The following TPRG1 variants were observed in gnomAD, a reference collection of about 807,000 sequenced individuals.
The protein encoded by TPRG1 is tumor protein p63 regulated 1.
Under a neutral mutation model 29.3 loss-of-function variants are expected in TPRG1, and 29 were observed. The ratio of observed to expected loss-of-function variants is 0.99; its 90% CI spans 0.74 to 1.35. The LOEUF is 1.35. Ranked by LOEUF, TPRG1 falls within the 40% of genes most tolerant of loss-of-function variation. The pLI, the probability that TPRG1 is intolerant of heterozygous loss-of-function variation, is 0.00. For synonymous variants in TPRG1, 130 were observed against 116.8 expected (o/e 1.11, Z -0.73); for missense variants, 327 against 335.0 (o/e 0.98, Z 0.19).
chr3:189,107,689 C>T (rs903277915), intron 1 of TPRG1, among the ~76,000 whole-genome samples: 2 of 152,050 alleles, frequency 1.3e-5, no homozygotes, highest in African/African-American at 2.4e-5. Flanking sequence ...TTAGCACTAA[C>T]CTGCTTTAAA....
Position 189,222,426 on chromosome 3 carries a change from G to A in TPRG1, c.302+7043G>A, listed in dbSNP as rs74500339. 7.1e-3 allele frequency among the ~76,000 whole-genome samples: 1,080 copies of A among 152,176 alleles called. 14 individuals carry two copies. Among genetic ancestry groups the A allele is most frequent in the African/African-American group, 0.025 (1,020 of 41,514 alleles). ...AAAGTACTATGGAAACTACCATTTC[G>A]AAACTGCATTTTCTACTCAACCCCA... On this transcript the variant is annotated intron_variant, in intron 3 of 5. Transcript: ENST00000345063.
intron 4 of TPRG1, among the ~76,000 whole-genome samples, chr3:189,092,055 A>G (rs1379878307): frequency 2.0e-5 from 3 of 152,200 alleles, no homozygotes; most frequent in African/African-American, 4.8e-5. Context: ...TTTTGCCAGC[A>G]GGAGCTCAGA....
upstream of TPRG1, among the ~76,000 whole-genome samples, chr3:189,099,268 C>A (rs1485328977): frequency 6.6e-6 from 1 of 152,108 alleles, no homozygotes; most frequent in South Asian, 2.1e-4. Context: ...GTTGTTGATG[C>A]CAGATGAAAT....
intron 1 of TPRG1, among the ~76,000 whole-genome samples, chr3:189,110,294 T>G (rs1203915894): frequency 2.6e-5 from 4 of 152,218 alleles, no homozygotes; most frequent in Non-Finnish European, 5.9e-5. Context: ...TTATGTTAAG[T>G]GCATAACAGT....
chr3:189,026,848 G>C (rs1364017478), intron 4 of TPRG1, among the ~76,000 whole-genome samples: 2 of 152,128 alleles, frequency 1.3e-5, no homozygotes. Context: ...TAAGATGGAG[G>C]CAAGGAGCCC....
At chr3:189,235,217 C>CTTTTTT (rs34934049) in intron 3 of TPRG1, among the ~76,000 whole-genome samples, 2 of 129,672 alleles carry the variant, frequency 1.5e-5, no homozygotes, top group African/African-American at 5.8e-5. Flanking sequence ...ATGAGGTTTG[C>CTTTTTT]TTTTTTTTTT....
chr3:189,072,484 A>T (rs559770052), intron 4 of TPRG1, among the ~76,000 whole-genome samples: 1 of 152,256 alleles, frequency 6.6e-6, no homozygotes, highest in Admixed American at 6.5e-5. Context: ...TAAAATGGAA[A>T]TTATCCCTTT....
At position 189,262,973 on chromosome 3, in the gene TPRG1, G is replaced by C. The variant is rs554448045; in HGVS notation, c.479+24064G>C. 2.8e-4 allele frequency among the ~76,000 whole-genome samples: 42 copies of C among 152,384 alleles called. 2 individuals carry two copies. In the South Asian group the frequency reaches 8.7e-3, roughly 32 times the overall value. ...GACTTCCCTCAGAGATGGCAAGAGA[G>C]AGAGCAAGAGAGAGAATGAGACGTT... On this transcript the variant is annotated intron_variant, in intron 4 of 5. Transcript: ENST00000345063.
At chr3:189,120,323 A>T (rs1440157577) in intron 1 of TPRG1, 1 of 152,176 alleles carries the variant, frequency 6.6e-6, no homozygotes, top group Non-Finnish European at 1.5e-5. Flanking sequence ...AAGGCAAGAA[A>T]ATTGCTTTTA....
At chr3:189,087,014 A>G (rs988892715) in intron 4 of TPRG1, among the ~76,000 whole-genome samples, 7 of 152,206 alleles carry the variant, frequency 4.6e-5, no homozygotes, top group Admixed American at 3.9e-4. Context: ...TCCTTTGGGT[A>G]TATACCCAGT....
intron 1 of TPRG1, among the ~76,000 whole-genome samples, chr3:188,997,276 A>G (rs1411642888): frequency 6.6e-6 from 1 of 152,010 alleles, no homozygotes; most frequent in Non-Finnish European, 1.5e-5. Context: ...AAGATTTGAC[A>G]TAGGTAGAAT....
chr3:189,152,618 A>ATTATTAAAAAGTAGGATTG (rs1164063261), intron 5 of TPRG1, among the ~76,000 whole-genome samples: 3 of 151,062 alleles, frequency 2.0e-5, no homozygotes, highest in African/African-American at 7.3e-5. Context: ...ACCCGCCATT[A>ATTATTAAAAAGTAGGATTG]CTATTAAAAA....
At chr3:189,044,201 CAAGCT>C (rs1714813455) in intron 4 of TPRG1, among the ~76,000 whole-genome samples, 1 of 152,042 alleles carries the variant, frequency 6.6e-6, no homozygotes, top group Non-Finnish European at 1.5e-5. Flanking sequence ...CGGAAAGAGA[CAAGCT>C]AAGTATCACA....
At chr3:189,244,329 G>A (rs895985300) in intron 4 of TPRG1, among the ~76,000 whole-genome samples, 3 of 152,076 alleles carry the variant, frequency 2.0e-5, no homozygotes, top group Non-Finnish European at 2.9e-5. Flanking sequence ...TGAGACAGGA[G>A]AATTGCTTGA....
chr3:189,060,952 A>T (rs1329160685), intron 4 of TPRG1, among the ~76,000 whole-genome samples: 1 of 152,090 alleles, frequency 6.6e-6, no homozygotes, highest in African/African-American at 2.4e-5. Flanking sequence ...CTATTTAAAA[A>T]TTCATATGGA....
At chr3:188,997,741 T>C (rs1006361170) in intron 1 of TPRG1, among the ~76,000 whole-genome samples, 6 of 152,184 alleles carry the variant, frequency 3.9e-5, no homozygotes, top group African/African-American at 1.4e-4. Flanking sequence ...GGAAATATCT[T>C]CATGAAGGGA....
chr3:189,137,092 G>T (rs891807772), intron 3 of TPRG1, among the ~76,000 whole-genome samples: 1 of 152,146 alleles, frequency 6.6e-6, no homozygotes, highest in South Asian at 2.1e-4. Flanking sequence ...GTAGAGCTAG[G>T]ACTCAAACCT....
chr3:189,197,017 T>A (rs966081153), intron 1 of TPRG1, among the ~76,000 whole-genome samples: 1 of 152,198 alleles, frequency 6.6e-6, no homozygotes, highest in African/African-American at 2.4e-5. Context: ...GAATGTTTGT[T>A]CTCACTGCTG....
At chr3:189,161,033 G>A (rs1008381413) in intron 5 of TPRG1, among the ~76,000 whole-genome samples, 1 of 152,316 alleles carries the variant, frequency 6.6e-6, no homozygotes, top group East Asian at 1.9e-4. Flanking sequence ...GAACTTCATT[G>A]TATTCCTTCC....
Sources: gnomAD v4.1 joint callset for allele counts (sites outside exome capture counted in the v4.1 genomes callset) on GRCh38, gnomAD v4.1.1 for gene constraint, MANE v1.5 for transcripts, NCBI Gene and HGNC (gene_info 2026-07-23, HGNC 2026-07-21) for gene names.